Variants in BPTF observed in about 807,000 individuals in gnomAD.
BPTF encodes nucleosome-remodeling factor subunit BPTF.
A neutral mutation model predicts 292.5 loss-of-function variants in BPTF; 18 were observed. The observed-to-expected ratio is 0.06, with a 90% CI of 0.04 to 0.09. The LOEUF is 0.09. Ranked by LOEUF, BPTF falls within the 10% of genes least tolerant of loss-of-function variation. The pLI is 1.00. For synonymous variants in BPTF, 1,225 were observed against 1,251.9 expected, an observed-to-expected ratio of 0.98 and a Z score of 0.45; for missense variants, 2,726 against 3,498.7, an observed-to-expected ratio of 0.78 and a Z score of 5.57.
chr17:67,931,933 G>T lies in BPTF; in HGVS notation c.6173G>T (p.Arg2058Leu). The T allele has an allele frequency of 6.2e-7, 1 of 1,613,486 alleles. No homozygotes were observed. The highest frequency in any genetic ancestry group is 8.5e-7 in the Non-Finnish European group (1 of 1,179,842). The change falls in exon 18 of 28, where the codon CGC becomes CTC. Residue 2058 changes from arginine to leucine, a missense_variant. Around this residue, in one of 22 missense-constraint regions of BPTF, gnomAD observed 570 missense variants for 633.5 expected, o/e 0.90. Coordinates refer to ENST00000306378, the MANE Select transcript of BPTF (RefSeq NM_182641.4). ...TAGGTAATCACAGGGCCTCAGATTC[G>T]CCCTGGTATGACCGTGATTAGAACA... ...NSQVITGPQIRPGMTVIRTPL... is the reference protein window; with the variant it reads ...NSQVITGPQILPGMTVIRTPL...
intron 1 of BPTF, among the ~76,000 whole-genome samples, chr17:67,843,172 A>G (rs1269631013): frequency 6.9e-5 from 9 of 130,880 alleles, no homozygotes; most frequent in Admixed American, 1.5e-4. Flanking sequence ...ATATATAGAT[A>G]CATATAGATA....
rs1466784540 is a variant in BPTF at position 67,826,452 on chromosome 17, C to G, written c.613+115C>G. ...ATCTCCCCCCAACCCCGCCTCCCCC[C>G]CAAACAGAGGGGAAATGCGACGGCA... is the stretch of plus-strand genomic sequence containing the variant. On this transcript the variant is annotated intron_variant, in intron 1 of 27. Coordinates refer to ENST00000306378, the MANE Select transcript of BPTF (RefSeq NM_182641.4). The G allele has an allele frequency of 1.2e-5, 14 of 1,160,950 alleles. No individual in the cohort carries two copies. The South Asian group carries it at 2.1e-4, about 18-fold the overall frequency. 71.9% of individuals were successfully genotyped at this position (1,160,950 alleles called of 1,614,324 possible).
chr17:67,920,096 G>C lies in BPTF; in HGVS notation c.5510G>C (p.Cys1837Ser). 6.2e-7 allele frequency: 1 copy of C among 1,612,042 alleles called. No individual in the cohort carries two copies. Among genetic ancestry groups the C allele is most frequent in the Non-Finnish European group, 8.5e-7 (1 of 1,178,344 alleles). The change falls in exon 13 of 28, where the codon TGT becomes TCT. Residue 1837 changes from cysteine (C) to serine (S), a missense_variant. Coordinates refer to ENST00000306378, the MANE Select transcript of BPTF (RefSeq NM_182641.4). The part of the protein sequence containing the change: ...VGPYGIRSEY[C>S]IRKIICPIGV... ...CCTTATGGCATTCGATCTGAATATT[G>C]TATCAGGAAAATCATTTGTCCCATT...
chr17:67,933,698 A>G (rs915477914), intron 18 of BPTF, among the ~76,000 whole-genome samples: 10 of 152,258 alleles, frequency 6.6e-5, no homozygotes, highest in African/African-American at 1.7e-4. Flanking sequence ...TAATAGGAGC[A>G]TAGTAAGCCA....
At chr17:67,857,593 A>G (rs536014820) in intron 2 of BPTF, among the ~76,000 whole-genome samples, 1 of 151,584 alleles carries the variant, frequency 6.6e-6, no homozygotes, top group East Asian at 1.9e-4. Context: ...CAGCCCACCA[A>G]GTAGCTGGGA....
At chr17:67,905,058 G>C (rs1022736402) in intron 9 of BPTF, among the ~76,000 whole-genome samples, 8 of 152,108 alleles carry the variant, frequency 5.3e-5, no homozygotes, top group Admixed American at 2.0e-4. Context: ...TTGTAGAATG[G>C]AACTTGTTTT....
intron 18 of BPTF, among the ~76,000 whole-genome samples, chr17:67,939,052 AGTGTGAATTG>A (rs1334867151): frequency 6.6e-6 from 1 of 152,066 alleles, no homozygotes; most frequent in Admixed American, 6.5e-5. Flanking sequence ...AGCTGGCAGT[AGTGTGAATTG>A]GAATAACCTT....
At chr17:67,851,136 C>A (rs1419795732) in intron 1 of BPTF, among the ~76,000 whole-genome samples, 1 of 152,146 alleles carries the variant, frequency 6.6e-6, no homozygotes, top group South Asian at 2.1e-4. Flanking sequence ...AAGGAGAGGT[C>A]TCATGAAGCT....
chr17:67,896,525 A>G (rs2061467701), intron 7 of BPTF, among the ~76,000 whole-genome samples: 1 of 152,228 alleles, frequency 6.6e-6, no homozygotes, highest in Non-Finnish European at 1.5e-5. Flanking sequence ...TAAAAAGAAA[A>G]AACAGTTCCA....
At chr17:67,848,927 T>G (rs1379739228) in intron 1 of BPTF, among the ~76,000 whole-genome samples, 1 of 152,228 alleles carries the variant, frequency 6.6e-6, no homozygotes, top group Non-Finnish European at 1.5e-5. Flanking sequence ...TGTTCTTTGA[T>G]TCTCCATTTT....
intron 18 of BPTF, chr17:67,936,786 G>A (rs751559625): frequency 1.3e-5 from 2 of 152,172 alleles, no homozygotes; most frequent in Non-Finnish European, 2.9e-5. Flanking sequence ...GGGTGTATGT[G>A]TTTTGTACAT....
intron 23 of BPTF, among the ~76,000 whole-genome samples, chr17:67,949,726 A>C (rs191778903): frequency 1.3e-5 from 2 of 151,950 alleles, no homozygotes; most frequent in East Asian, 3.9e-4. Flanking sequence ...TAATTTACAC[A>C]TAATTACACA....
At chr17:67,833,500 G>A (rs1349502780) in intron 1 of BPTF, among the ~76,000 whole-genome samples, 8 of 151,932 alleles carry the variant, frequency 5.3e-5, no homozygotes, top group South Asian at 4.2e-4. Flanking sequence ...TTATCTGTAC[G>A]TATGTTTTCA....
At chr17:67,966,897 C>T (rs573055553) in intron 26 of BPTF, among the ~76,000 whole-genome samples, 17 of 151,724 alleles carry the variant, frequency 1.1e-4, no homozygotes, top group East Asian at 5.9e-4. Context: ...GTCAGGAGAT[C>T]GAGACTATCC....
At chr17:67,921,209 CAAAAAAA>C (rs60707445) in intron 13 of BPTF, among the ~76,000 whole-genome samples, 240 of 49,236 alleles carry the variant, frequency 4.9e-3, no homozygotes, top group African/African-American at 0.01. Context: ...GAATCCGTGT[CAAAAAAA>C]AAAAAAAAAA....
intron 2 of BPTF, among the ~76,000 whole-genome samples, chr17:67,863,862 CCTT>C (rs932073444): frequency 6.6e-6 from 1 of 152,212 alleles, no homozygotes; most frequent in East Asian, 1.9e-4. Flanking sequence ...GAGTCATTAA[CCTT>C]CTACTTAGCT....
intron 14 of BPTF, among the ~76,000 whole-genome samples, chr17:67,923,281 C>T (rs1598685040): frequency 1.3e-5 from 2 of 151,988 alleles, no homozygotes; most frequent in Admixed American, 1.3e-4. Flanking sequence ...TGATCTTGAA[C>T]TCCTGGGCTC....
In BPTF at chr17:67,946,160, C is replaced by T. The variant is rs782792628; in HGVS notation, c.7452C>T (p.His2484=). 1.0e-4 allele frequency: 166 copies of T among 1,614,032 alleles called. 1 individual carries two copies. The highest frequency in any genetic ancestry group is 1.4e-4 in the Non-Finnish European group (165 of 1,180,042). The part of the protein sequence containing the change: ...QIQQSSAVQT[H]QIQNVVTVQA... ...AGCAAAGCAGTGCTGTGCAGACTCA[C>T]CAGATTCAGAATGTGGTTACAGTGC... The change falls in exon 21 of 28, where the codon CAC becomes CAT. Residue 2484 remains histidine (H), a synonymous_variant. Coordinates refer to ENST00000306378, the MANE Select transcript of BPTF (RefSeq NM_182641.4).
At chr17:67,902,894 C>T (rs140256698) in intron 7 of BPTF, among the ~76,000 whole-genome samples, 88 of 152,358 alleles carry the variant, frequency 5.8e-4, no homozygotes, top group South Asian at 1.2e-3. Flanking sequence ...CTGCCACTAG[C>T]GCTCTTAGAG....
Sources: allele counts gnomAD v4.1 joint callset (sites outside exome capture counted in the v4.1 genomes callset), GRCh38; gene constraint gnomAD v4.1.1; regional missense constraint gnomAD v4.1.1; transcripts MANE v1.5; gene names NCBI Gene and HGNC (gene_info 2026-07-23, HGNC 2026-07-21).